The following METTL25 variants were observed in gnomAD, a reference collection of about 807,000 sequenced individuals.
METTL25 encodes the protein methyltransferase like 25.
A neutral mutation model predicts 71.6 loss-of-function variants in METTL25; 64 were observed. That is an observed-to-expected ratio of 0.89 (90% CI 0.73 to 1.10). The LOEUF (loss-of-function observed/expected upper bound fraction) is 1.10. Among genes scored for constraint, METTL25 ranks in the 50% least tolerant of loss-of-function variants. The pLI is 0.00. For missense variants in METTL25, 807 were observed against 707.0 expected (o/e 1.14, Z -1.60); for synonymous variants, 287 against 250.3 (o/e 1.15, Z -1.38).
At chr12:82,403,283 G>A (rs1886805831) in intron 5 of METTL25, among the ~76,000 whole-genome samples, 153 bp downstream of exon 5, 1 of 152,030 alleles carries the variant, frequency 6.6e-6, no homozygotes, top group African/African-American at 2.4e-5. Context: ...TTAGTGTTAC[G>A]GTGTTATTGA....
chr12:82,404,297 T>A (rs979881595), intron 5 of METTL25, among the ~76,000 whole-genome samples: 1 of 152,054 alleles, frequency 6.6e-6, no homozygotes, highest in Non-Finnish European at 1.5e-5. Context: ...ATGCTATTAT[T>A]ACCAACTCAT....
chr12:82,374,094 T>TA (rs1472360317), intron 1 of METTL25: 1 of 159,672 alleles, frequency 6.3e-6, no homozygotes, highest in Non-Finnish European at 1.3e-5. Context: ...TTACACTCTT[T>TA]AAGATGGTGT....
chr12:82,389,735 T>C, intron 2 of METTL25, 81 bp from the exon 3 acceptor site: 2 of 823,320 alleles, frequency 2.4e-6, no homozygotes, highest in Non-Finnish European at 4.0e-6. Flanking sequence ...CTACTTAATT[T>C]CAAAAAATAT....
chr12:82,422,182 C>A (rs1344981119), intron 5 of METTL25, among the ~76,000 whole-genome samples: 1 of 152,120 alleles, frequency 6.6e-6, no homozygotes, highest in Non-Finnish European at 1.5e-5. Flanking sequence ...AGCAGCACAT[C>A]AAAAAGCTTA....
intron 5 of METTL25, among the ~76,000 whole-genome samples, chr12:82,428,921 T>G (rs906364994): frequency 6.6e-6 from 1 of 151,868 alleles, no homozygotes; most frequent in Non-Finnish European, 1.5e-5. Context: ...TATTGATACA[T>G]AATATTTGTA....
chr12:82,360,081 A>G (rs966840641), intron 1 of METTL25, among the ~76,000 whole-genome samples: 2 of 152,202 alleles, frequency 1.3e-5, no homozygotes, highest in Non-Finnish European at 2.9e-5. Flanking sequence ...TACTTGGCAT[A>G]CATTAGATAC....
chr12:82,358,644 C>G lies in METTL25; in HGVS notation c.79C>G (p.Leu27Val). ...RAKLQGLLQFLRDALSISNAH... is the reference protein window; with the variant it reads ...RAKLQGLLQFVRDALSISNAH... The stretch of plus-strand genomic sequence containing the variant: ...CAAGTTGCAGGGACTGCTGCAGTTC[C>G]TGAGGGATGCCCTGTCCATTTCCAA... The change falls in exon 1 of 12, where the codon CTG (leucine) becomes GTG (valine). Residue 27 changes from leucine (L) to valine (V), a missense_variant. By Grantham distance (32) the Leu-to-Val change is conservative. Coordinates refer to ENST00000248306, the MANE Select transcript of METTL25 (RefSeq NM_032230.3). 1 of 1,614,182 alleles carries G rather than the reference C, an allele frequency of 6.2e-7. No individual in the cohort carries two copies. The highest frequency in any genetic ancestry group is 1.6e-4 in the Middle Eastern group (1 of 6,062).
At chr12:82,369,849 T>A (rs961653443) in intron 1 of METTL25, among the ~76,000 whole-genome samples, 5 of 152,186 alleles carry the variant, frequency 3.3e-5, no homozygotes, top group African/African-American at 1.2e-4. Flanking sequence ...TTTTACAGAG[T>A]GCTGATTGGT....
chr12:82,442,839 C>T (rs2137201099), intron 8 of METTL25, among the ~76,000 whole-genome samples: 1 of 151,686 alleles, frequency 6.6e-6, no homozygotes, highest in South Asian at 2.1e-4. Flanking sequence ...TATTTTTTGT[C>T]AGAGAACCAA....
intron 8 of METTL25, among the ~76,000 whole-genome samples, chr12:82,451,854 T>A (rs541071757): frequency 6.6e-6 from 1 of 152,316 alleles, no homozygotes; most frequent in East Asian, 1.9e-4. Context: ...AATATTAATA[T>A]GTTTAAATGT....
intron 5 of METTL25, among the ~76,000 whole-genome samples, chr12:82,408,429 G>A (rs758688109): frequency 4.6e-5 from 7 of 152,058 alleles, no homozygotes; most frequent in Non-Finnish European, 7.4e-5. Flanking sequence ...AAACACAGAT[G>A]CAAGAGGGCA....
intron 11 of METTL25, among the ~76,000 whole-genome samples, chr12:82,477,630 A>G (rs145185593): frequency 0.016 from 2,456 of 151,908 alleles, 28 homozygotes; most frequent in Middle Eastern, 0.031. Flanking sequence ...TATATATGAA[A>G]TATTGTATAG....
chr12:82,372,658 A>G (rs553346257), intron 1 of METTL25, among the ~76,000 whole-genome samples: 16 of 152,264 alleles, frequency 1.1e-4, no homozygotes, highest in Non-Finnish European at 1.6e-4. Flanking sequence ...GAAAAAACTG[A>G]GCCACCTCTT....
At chr12:82,426,480 G>A (rs777100052) in intron 5 of METTL25, among the ~76,000 whole-genome samples, 2 of 151,978 alleles carry the variant, frequency 1.3e-5, no homozygotes, top group African/African-American at 4.8e-5. Flanking sequence ...GGTGCATCAA[G>A]GAAGACTGCC....
intron 5 of METTL25, 78 bp downstream of exon 5, chr12:82,403,208 C>T (rs940501942): frequency 7.1e-7 from 1 of 1,406,798 alleles, no homozygotes; most frequent in Admixed American, 2.2e-5. Flanking sequence ...CTATTTCTCC[C>T]CGTTTTTTCG....
chr12:82,420,418 A>AATGAT (rs1210116317), intron 5 of METTL25, among the ~76,000 whole-genome samples: 1 of 152,124 alleles, frequency 6.6e-6, no homozygotes, highest in Non-Finnish European at 1.5e-5. Flanking sequence ...TGGCATTGCT[A>AATGAT]ATGATGCTGG....
At chr12:82,403,251 A>G in intron 5 of METTL25, 121 bp downstream of exon 5, 5 of 910,140 alleles carry the variant, frequency 5.5e-6, no homozygotes, top group South Asian at 1.8e-5. Context: ...CATTTAAGAT[A>G]ACATCTGACT....
intron 4 of METTL25, among the ~76,000 whole-genome samples, chr12:82,400,573 T>A (rs1886524289): frequency 6.0e-5 from 2 of 33,538 alleles, no homozygotes; most frequent in South Asian, 4.0e-3. Context: ...ACAATCTCAA[T>A]GACTTTAGTT....
intron 5 of METTL25, among the ~76,000 whole-genome samples, chr12:82,422,346 A>T (rs2137108388): frequency 6.6e-6 from 1 of 152,318 alleles, no homozygotes; most frequent in South Asian, 2.1e-4. Context: ...AAAATTCAAC[A>T]GCCCTTCATG....
Sources: gnomAD v4.1 joint callset for allele counts (sites outside exome capture counted in the v4.1 genomes callset) on GRCh38, gnomAD v4.1.1 for gene constraint, MANE v1.5 for transcripts, NCBI Gene and HGNC (gene_info 2026-07-23, HGNC 2026-07-21) for gene names.